Variants in YPEL2 observed in about 807,000 individuals in gnomAD.
YPEL2 encodes yippee like 2.
A neutral mutation model predicts 19.1 loss-of-function variants in YPEL2; 2 were observed. The observed-to-expected ratio is 0.10, with a 90% CI of 0.04 to 0.33. YPEL2 has a LOEUF of 0.33. Among genes scored for constraint, YPEL2 ranks in the 10% least tolerant of loss-of-function variants. The probability of loss-of-function intolerance (pLI) is 1.00; values close to 1 mark genes in which losing one functional copy is unlikely to be tolerated. For missense variants in YPEL2, 66 were observed against 140.7 expected (o/e 0.47, Z 2.68); for synonymous variants, 52 against 50.0 (o/e 1.04, Z -0.17).
intron 2 of YPEL2, chr17:59,355,675 C>T (rs1213301323): frequency 6.6e-6 from 1 of 152,136 alleles, no homozygotes; most frequent in African/African-American, 2.4e-5. Context: ...GGGGTCAGAA[C>T]CTGACCCATG....
chr17:59,345,963 C>T (rs2047753808), intron 1 of YPEL2, among the ~76,000 whole-genome samples: 1 of 152,164 alleles, frequency 6.6e-6, no homozygotes, highest in Non-Finnish European at 1.5e-5. Flanking sequence ...GTCCACCCAC[C>T]TCTAGATCCT....
At chr17:59,365,600 A>G (rs1290154734) in intron 2 of YPEL2, among the ~76,000 whole-genome samples, 1 of 152,182 alleles carries the variant, frequency 6.6e-6, no homozygotes, top group Non-Finnish European at 1.5e-5. Context: ...TTTTGAAAGA[A>G]ACCACTTTCT....
At chr17:59,362,159 G>A (rs1362345905) in intron 2 of YPEL2, among the ~76,000 whole-genome samples, 2 of 152,188 alleles carry the variant, frequency 1.3e-5, no homozygotes, top group Non-Finnish European at 2.9e-5. Context: ...AATGGGGCAA[G>A]TGGTGTCTGT....
chr17:59,361,165 T>G (rs2047838848), intron 2 of YPEL2, among the ~76,000 whole-genome samples: 1 of 152,186 alleles, frequency 6.6e-6, no homozygotes, highest in African/African-American at 2.4e-5. Context: ...TGGTCCACAG[T>G]GGGACCATTT....
chr17:59,344,027 G>GAGTATGACATAGAA (rs2047744084), intron 1 of YPEL2, among the ~76,000 whole-genome samples: 1 of 152,144 alleles, frequency 6.6e-6, no homozygotes. Context: ...AGAGCATAAA[G>GAGTATGACATAGAA]GGGGTTTCCT....
At chr17:59,363,523 C>T (rs2047852579) in intron 2 of YPEL2, among the ~76,000 whole-genome samples, 1 of 151,974 alleles carries the variant, frequency 6.6e-6, no homozygotes, top group Non-Finnish European at 1.5e-5. Flanking sequence ...GGCCAGGCTG[C>T]TCTCGAACTC....
Position 59,390,235 on chromosome 17 carries a change from C to G in YPEL2, c.270+767C>G, listed in dbSNP as rs1468493780. On this transcript the variant is annotated intron_variant, in intron 4 of 4. Transcript: ENST00000312655. Reference sequence around the variant, plus strand: ...CGGGCTGGTCTCGAACTCCTGACCTCAGGTGATCCACCCCCGTCAGGCTCC... The same window carrying G: ...CGGGCTGGTCTCGAACTCCTGACCTGAGGTGATCCACCCCCGTCAGGCTCC... 2.0e-5 allele frequency among the ~76,000 whole-genome samples: 3 copies of G among 152,186 alleles called. No individual in the cohort carries two copies. The East Asian group carries it at 5.8e-4, about 29-fold the overall frequency.
intron 1 of YPEL2, among the ~76,000 whole-genome samples, chr17:59,346,104 T>G (rs1440397968): frequency 6.6e-6 from 1 of 152,130 alleles, no homozygotes; most frequent in Non-Finnish European, 1.5e-5. Flanking sequence ...ACTTTCCCAG[T>G]ATAAAGGCCT....
intron 4 of YPEL2, among the ~76,000 whole-genome samples, chr17:59,396,550 G>A (rs955358672): frequency 1.3e-5 from 2 of 152,218 alleles, no homozygotes; most frequent in Non-Finnish European, 2.9e-5. Context: ...TTAAATGAGC[G>A]AAGCTCCTGG....
intron 1 of YPEL2, among the ~76,000 whole-genome samples, chr17:59,335,141 G>A (rs973261311): frequency 1.3e-5 from 2 of 152,206 alleles, no homozygotes; most frequent in African/African-American, 4.8e-5. Context: ...AGGGCCTGCA[G>A]GCTAAAGATA....
At chr17:59,379,821 T>C (rs1424758309) in intron 2 of YPEL2, among the ~76,000 whole-genome samples, 2 of 149,146 alleles carry the variant, frequency 1.3e-5, no homozygotes, top group African/African-American at 2.6e-5. Context: ...TTTTTTTTGT[T>C]TCTGAGTGAA....
chr17:59,362,985 C>G (rs1009383688), intron 2 of YPEL2: 1 of 152,108 alleles, frequency 6.6e-6, no homozygotes, highest in African/African-American at 2.4e-5. Flanking sequence ...ACTTAAAGAG[C>G]CTGTGATGTT....
Position 59,353,331 on chromosome 17 carries a change from C to G in YPEL2, c.-79C>G. 1 of 1,046,524 alleles carries G rather than the reference C, an allele frequency of 9.6e-7. No homozygotes were observed. Among genetic ancestry groups the G allele is most frequent in the South Asian group, 1.5e-5 (1 of 65,828 alleles). The allele number at this position is 1,046,524 out of a possible 1,614,324, so 64.8% of individuals were successfully genotyped here. A position where few individuals can be genotyped will look rare whatever the true frequency, so the allele number is the denominator to read the frequency against. On this transcript the variant is annotated 5_prime_UTR_variant, in exon 2 of 5. Transcript: ENST00000312655. This position sits in a 1 kb window ranked among gnomAD's most constrained non-coding sequence, Gnocchi z 4.8. ...AAACCACGGCCTTTACCTGTGTCTT[C>G]CGGTGTTTCCCGTGCGACCCATCCT...
chr17:59,347,691 C>T (rs759800470), intron 1 of YPEL2, among the ~76,000 whole-genome samples: 59 of 152,260 alleles, frequency 3.9e-4, no homozygotes, highest in Admixed American at 4.6e-4. Flanking sequence ...ATATTATTGC[C>T]GCCTTGTCTC....
At chr17:59,382,228 A>T (rs765073819) in intron 2 of YPEL2, among the ~76,000 whole-genome samples, 1 of 152,226 alleles carries the variant, frequency 6.6e-6, no homozygotes, top group Non-Finnish European at 1.5e-5. Context: ...GGCTATGGCC[A>T]CCAGGACAGC....
intron 4 of YPEL2, among the ~76,000 whole-genome samples, 156 bp from the exon 5 acceptor site, chr17:59,396,945 C>T (rs565893560): frequency 2.0e-5 from 3 of 152,162 alleles, no homozygotes; most frequent in South Asian, 2.1e-4. Flanking sequence ...GCAGGAGAAT[C>T]GCTCGAACCT....
At position 59,390,255 on chromosome 17, in the gene YPEL2, G is replaced by A. The variant is rs181160305; in HGVS notation, c.270+787G>A. ...GACCTCAGGTGATCCACCCCCGTCA[G>A]GCTCCCAAAGTGCTGGGATTACAGG... On this transcript the variant is annotated intron_variant, in intron 4 of 4. Coordinates refer to ENST00000312655, the MANE Select transcript of YPEL2 (RefSeq NM_001005404.4). Among the ~76,000 whole-genome samples, 73 of 152,298 alleles carry A rather than the reference G, an allele frequency of 4.8e-4. No homozygotes were observed. The East Asian group carries it at 0.012, about 24-fold the overall frequency.
At chr17:59,386,884 C>G (rs1231926339) in intron 2 of YPEL2, among the ~76,000 whole-genome samples, 2 of 152,236 alleles carry the variant, frequency 1.3e-5, no homozygotes, top group East Asian at 3.9e-4. Flanking sequence ...GCAGATGCAC[C>G]TGGGAGTGAA....
At chr17:59,366,283 C>G (rs1003576582) in intron 2 of YPEL2, 6 of 154,144 alleles carry the variant, frequency 3.9e-5, no homozygotes, top group Non-Finnish European at 7.3e-5. Flanking sequence ...CAAACAGATG[C>G]AAGCTTTGCC....
Sources: allele counts gnomAD v4.1 joint callset (sites outside exome capture counted in the v4.1 genomes callset), GRCh38; gene constraint gnomAD v4.1.1; non-coding constraint Gnocchi (gnomAD v3.1); transcripts MANE v1.5; gene names NCBI Gene and HGNC (gene_info 2026-07-23, HGNC 2026-07-21).